Variants in ADAM18 observed in about 807,000 individuals in gnomAD.
ADAM18 encodes the protein disintegrin and metalloproteinase domain-containing protein 18.
In ADAM18, 117 loss-of-function variants were observed where a neutral mutation model predicts 94.4. That is an observed-to-expected ratio of 1.24 (90% CI 1.07 to 1.45). The LOEUF (loss-of-function observed/expected upper bound fraction) is 1.45, where lower values mean the gene tolerates loss of function less well. Ranked by LOEUF, ADAM18 falls within the 40% of genes most tolerant of loss-of-function variation. ADAM18 has a pLI of 0.00. For missense variants in ADAM18, 936 were observed against 880.0 expected, an observed-to-expected ratio of 1.06 and a Z score of -0.81; for synonymous variants, 327 against 291.6, an observed-to-expected ratio of 1.12 and a Z score of -1.24.
intron 2 of ADAM18, among the ~76,000 whole-genome samples, chr8:39,589,033 AG>A: frequency 6.6e-6 from 1 of 152,190 alleles, no homozygotes. Flanking sequence ...TAGCCCAATA[AG>A]GGCATATTCA....
At chr8:39,624,234 C>G (rs1413565088) in intron 6 of ADAM18, among the ~76,000 whole-genome samples, 1 of 152,166 alleles carries the variant, frequency 6.6e-6, no homozygotes, top group African/African-American at 2.4e-5. Flanking sequence ...AGGGCAATGT[C>G]CAGAAGAGTT....
At chr8:39,647,517 C>G (rs1009916299) in intron 11 of ADAM18, among the ~76,000 whole-genome samples, 1 of 152,150 alleles carries the variant, frequency 6.6e-6, no homozygotes, top group African/African-American at 2.4e-5. Flanking sequence ...TCCTCTATCT[C>G]AACTGCAAGA....
intron 17 of ADAM18, among the ~76,000 whole-genome samples, chr8:39,698,075 G>T (rs944876283): frequency 2.0e-5 from 3 of 151,528 alleles, no homozygotes; most frequent in Admixed American, 6.6e-5. Context: ...CAAATTTATG[G>T]TTTTGTACTG....
At chr8:39,728,461 T>A (rs1285341431) in intron 19 of ADAM18, among the ~76,000 whole-genome samples, 2 of 152,070 alleles carry the variant, frequency 1.3e-5, no homozygotes, top group Admixed American at 1.3e-4. Flanking sequence ...TCATAGAGAG[T>A]CAGAAAGTCA....
At chr8:39,662,712 C>A (rs542953476) in intron 12 of ADAM18, among the ~76,000 whole-genome samples, 5 of 152,300 alleles carry the variant, frequency 3.3e-5, no homozygotes, top group African/African-American at 9.6e-5. Context: ...GCAACCTCTG[C>A]CTCCCAGGTT....
At chr8:39,722,321 A>G (rs1298203509) in intron 18 of ADAM18, among the ~76,000 whole-genome samples, 2 of 148,690 alleles carry the variant, frequency 1.3e-5, no homozygotes, top group East Asian at 2.0e-4. Flanking sequence ...TTCTTTATAT[A>G]TATATCATGG....
rs1313827343 is a variant in ADAM18 at position 39,609,060 on chromosome 8, CT to C, written c.212del (p.Leu71TrpfsTer19). 1 of 1,582,156 alleles carries C rather than the reference CT, an allele frequency of 6.3e-7. No individual in the cohort carries two copies. Among genetic ancestry groups the C allele is most frequent in the Non-Finnish European group, 8.6e-7 (1 of 1,163,360 alleles). ...TTTTTAGATCATTCTTACCCCAGAACTTTTTGGTTTATACATATAATGAAAC... is the reference window on the plus strand; with the variant it reads ...TTTTTAGATCATTCTTACCCCAGAACTTTTGGTTTATACATATAATGAAAC... ...LGKQSFLPQN[F>X]LVYTYNETGS... On this transcript the variant is annotated frameshift_variant, in exon 4 of 20. Coordinates refer to ENST00000265707, the MANE Select transcript of ADAM18 (RefSeq NM_014237.3). LOFTEE classifies it high-confidence loss of function.
chr8:39,625,745 A>G (rs10111005), intron 6 of ADAM18, among the ~76,000 whole-genome samples: 3,366 of 152,090 alleles, frequency 0.022, 145 homozygotes, highest in African/African-American at 0.076. Flanking sequence ...TTTATTATAA[A>G]GAGATGCTGG....
Position 39,680,017 on chromosome 8 carries a change from T to C in ADAM18, c.1632-20T>C. ...ATTAAGAGATAAACTGATAAGGAAC[T>C]TTTTGCTTTCCACTTCCAGGGATGT... On this transcript the variant is annotated intron_variant, in intron 15 of 19. Transcript: ENST00000265707. 1 of 1,612,184 alleles carries C rather than the reference T, an allele frequency of 6.2e-7. No individual in the cohort carries two copies. The highest frequency in any genetic ancestry group is 8.5e-7 in the Non-Finnish European group (1 of 1,179,440).
intron 12 of ADAM18, among the ~76,000 whole-genome samples, chr8:39,661,117 T>TA (rs143344538): frequency 0.033 from 4,550 of 138,570 alleles, 249 homozygotes; most frequent in African/African-American, 0.11. Context: ...CATACTCAAA[T>TA]AAAAAAAAAA....
At chr8:39,729,827 T>G (rs2129582096) in intron 19 of ADAM18, 71 bp from the exon 20 acceptor site, 1 of 1,296,704 alleles carries the variant, frequency 7.7e-7, no homozygotes, top group South Asian at 1.2e-5. Flanking sequence ...GTAAATATGG[T>G]TTAAAATAGG....
intron 17 of ADAM18, among the ~76,000 whole-genome samples, chr8:39,699,635 TA>T (rs1221671986): frequency 6.6e-6 from 1 of 152,186 alleles, no homozygotes; most frequent in Non-Finnish European, 1.5e-5. Flanking sequence ...GCAATACTTA[TA>T]AATCACAGTT....
chr8:39,602,038 T>C (rs1178625168), intron 2 of ADAM18, among the ~76,000 whole-genome samples: 1 of 152,188 alleles, frequency 6.6e-6, no homozygotes, highest in African/African-American at 2.4e-5. Context: ...TCTGTTGCAT[T>C]TTCCACATTT....
chr8:39,704,083 C>T (rs533483284), intron 17 of ADAM18, among the ~76,000 whole-genome samples: 1 of 151,678 alleles, frequency 6.6e-6, no homozygotes, highest in Non-Finnish European at 1.5e-5. Flanking sequence ...GCCTACCAAC[C>T]AAAAAAAGCC....
At chr8:39,603,745 T>G (rs1255551014) in intron 2 of ADAM18, among the ~76,000 whole-genome samples, 2 of 152,258 alleles carry the variant, frequency 1.3e-5, no homozygotes, top group Admixed American at 6.5e-5. Flanking sequence ...AATACTTATG[T>G]GTTCAATTTT....
At chr8:39,647,624 T>TATCA (rs370551880) in intron 11 of ADAM18, among the ~76,000 whole-genome samples, 1 of 152,170 alleles carries the variant, frequency 6.6e-6, no homozygotes, top group African/African-American at 2.4e-5. Flanking sequence ...TATTTCAGAC[T>TATCA]ATCACATGGG....
chr8:39,675,940 G>A (rs2129580430), intron 14 of ADAM18, among the ~76,000 whole-genome samples: 1 of 152,334 alleles, frequency 6.6e-6, no homozygotes, highest in Middle Eastern at 3.4e-3. Context: ...CTGTTTCCCT[G>A]GGTATCACCA....
rs1820916732 is a variant in ADAM18 at position 39,663,813 on chromosome 8, T to A, written c.1249T>A (p.Cys417Ser). 2 of 1,611,766 alleles carry A rather than the reference T, an allele frequency of 1.2e-6. No homozygotes were observed. The highest frequency in any genetic ancestry group is 1.7e-6 in the Non-Finnish European group (2 of 1,179,202). ...ATTTTAGGAATGTCAATTTAAGAAGTGCTGTGATTATAACACATGTAAACT... is the reference window on the plus strand; with the variant it reads ...ATTTTAGGAATGTCAATTTAAGAAGAGCTGTGATTATAACACATGTAAACT... ...GNKNECQFKKCCDYNTCKLKG... is the reference protein window; with the variant it reads ...GNKNECQFKKSCDYNTCKLKG... Residue 417 changes from cysteine to serine, a missense_variant, in exon 13 of 20, where the codon TGC (cysteine) becomes AGC (serine). By Grantham distance (112) the Cys-to-Ser change is moderately radical. Transcript: ENST00000265707.
At chr8:39,638,619 G>A (rs568406849) in intron 10 of ADAM18, 73 bp downstream of exon 10, 3 of 888,880 alleles carry the variant, frequency 3.4e-6, no homozygotes, top group Non-Finnish European at 4.9e-6. Context: ...ATTAATTTAA[G>A]TAGTTAAATA....
Sources: gnomAD v4.1 joint callset for allele counts (sites outside exome capture counted in the v4.1 genomes callset) on GRCh38, gnomAD v4.1.1 for gene constraint, MANE v1.5 for transcripts, NCBI Gene and HGNC (gene_info 2026-07-23, HGNC 2026-07-21) for gene names.